The following NRP1 variants were observed in gnomAD, a reference collection of about 807,000 sequenced individuals.
NRP1 encodes the protein neuropilin-1.
A neutral mutation model predicts 106.7 loss-of-function variants in NRP1; 35 were observed. That is an observed-to-expected ratio of 0.33 (90% CI 0.25 to 0.43). NRP1 has a LOEUF of 0.43. Among genes scored for constraint, NRP1 ranks in the 20% least tolerant of loss-of-function variants. NRP1 has a pLI of 1.00. For synonymous variants in NRP1, 437 were observed against 417.9 expected, an observed-to-expected ratio of 1.05 and a Z score of -0.56; for missense variants, 1,024 against 1,170.4, an observed-to-expected ratio of 0.87 and a Z score of 1.83.
At chr10:33,237,622 C>T (rs1262969799) in intron 6 of NRP1, among the ~76,000 whole-genome samples, 2 of 139,902 alleles carry the variant, frequency 1.4e-5, no homozygotes, top group Non-Finnish European at 3.0e-5. Context: ...CTCTGTTGCC[C>T]AGGCTGGAGT....
rs769693816 is a variant in NRP1, at chr10:33,330,836, T to C, written c.120A>G (p.Thr40=). The C allele has an allele frequency of 6.2e-7, 1 of 1,613,142 alleles. No homozygotes were observed. Among genetic ancestry groups the C allele is most frequent in the Non-Finnish European group, 8.5e-7 (1 of 1,179,374 alleles). ...GATAAGAATGAGGATAACCAGGAGATGTAAGGTACCCGGGGCTTTCAATTT... is the reference window on the plus strand; with the variant it reads ...GATAAGAATGAGGATAACCAGGAGACGTAAGGTACCCGGGGCTTTCAATTT... ...TIKIESPGYL[T]SPGYPHSYHP... Residue 40 remains threonine, a synonymous_variant, in exon 2 of 17, where the codon ACA becomes ACG. Coordinates refer to ENST00000374867, the MANE Select transcript of NRP1 (RefSeq NM_003873.7).
chr10:33,231,281 C>T (rs1440037765), intron 6 of NRP1, among the ~76,000 whole-genome samples: 3 of 152,036 alleles, frequency 2.0e-5, no homozygotes. Context: ...ATCTGTTTTT[C>T]CCTGCAGAAA....
At chr10:33,204,859 G>A (rs555119348) in intron 10 of NRP1, among the ~76,000 whole-genome samples, 1 of 152,170 alleles carries the variant, frequency 6.6e-6, no homozygotes, top group African/African-American at 2.4e-5. Flanking sequence ...AGCCTCACGA[G>A]TAGCTGGGAT....
chr10:33,180,137 A>G lies in NRP1; in HGVS notation c.2711T>C (p.Val904Ala). ...GTCTTTTTTCAACTTCACACCATCC[A>G]CAAGTTCAAAGTTATAGTTCTCCAG... ...SALENYNFELVDGVKLKKDKL... is the reference protein window; with the variant it reads ...SALENYNFELADGVKLKKDKL... The change falls in exon 17 of 17, where the codon GTG becomes GCG. Residue 904 changes from valine (V) to alanine (A), a missense_variant. Around this residue, in one of 5 missense-constraint regions of NRP1, gnomAD observed 164 missense variants for 161.4 expected, o/e 1.02. Coordinates refer to ENST00000374867, the MANE Select transcript of NRP1 (RefSeq NM_003873.7). 1 of 1,614,100 alleles carries G rather than the reference A, an allele frequency of 6.2e-7. No individual in the cohort carries two copies. Among genetic ancestry groups the G allele is most frequent in the African/African-American group, 1.3e-5 (1 of 74,994 alleles).
Position 33,182,833 on chromosome 10 carries a change from G to GCACACACACACA in NRP1, c.2432-97_2432-86dup, listed in dbSNP as rs148435065. The GCACACACACACA allele has an allele frequency of 7.0e-3, 5,264 of 747,196 alleles. 186 individuals carry two copies. In the African/African-American group the frequency reaches 0.085, roughly 12 times the overall value. 46.3% of individuals were successfully genotyped at this position (747,196 alleles called of 1,614,324 possible). ...AAACTACACAAACCTTTAGGTACATGCACACACACACACACACACACACAC... is the reference window on the plus strand; with the variant it reads ...AAACTACACAAACCTTTAGGTACATGCACACACACACACACACACACACACACACACACACAC... On this transcript the variant is annotated intron_variant, in intron 15 of 16. Coordinates refer to ENST00000374867, the MANE Select transcript of NRP1 (RefSeq NM_003873.7).
At chr10:33,223,342 TG>T (rs1456907530) in intron 7 of NRP1, among the ~76,000 whole-genome samples, 1 of 152,120 alleles carries the variant, frequency 6.6e-6, no homozygotes, top group Non-Finnish European at 1.5e-5. Context: ...TGGTTGTGGC[TG>T]GGTGTGGTGG....
intron 2 of NRP1, among the ~76,000 whole-genome samples, chr10:33,272,514 G>A (rs1843378997): frequency 1.3e-5 from 2 of 151,966 alleles, no homozygotes; most frequent in African/African-American, 2.4e-5. Context: ...AAGAGGAGGA[G>A]GAGGGGAGGC....
At chr10:33,218,342 C>CT (rs776116595) in intron 8 of NRP1, among the ~76,000 whole-genome samples, 1,852 of 75,550 alleles carry the variant, frequency 0.025, 13 homozygotes, top group Non-Finnish European at 0.039. Flanking sequence ...TTTTTTCTTT[C>CT]TTTTTTTTTT....
intron 2 of NRP1, among the ~76,000 whole-genome samples, chr10:33,296,850 G>A (rs990056605): frequency 2.0e-4 from 31 of 152,006 alleles, no homozygotes; most frequent in Non-Finnish European, 4.0e-4. Flanking sequence ...CCAACATGGC[G>A]AAACCCCGCC....
chr10:33,301,491 T>A (rs1020612059), intron 2 of NRP1, among the ~76,000 whole-genome samples: 4 of 152,206 alleles, frequency 2.6e-5, no homozygotes, highest in African/African-American at 4.8e-5. Context: ...TCTGCAACAC[T>A]GAACCATCTG....
Position 33,177,672 on chromosome 10 carries a change from C to T in NRP1, c.*2404G>A, listed in dbSNP as rs1835459347. 1 of 152,556 alleles carries T rather than the reference C, an allele frequency of 6.6e-6. No homozygotes were observed. Among genetic ancestry groups the T allele is most frequent in the Non-Finnish European group, 1.5e-5 (1 of 68,026 alleles). 9.5% of individuals were successfully genotyped at this position (152,556 alleles called of 1,614,324 possible). On this transcript the variant is annotated 3_prime_UTR_variant, in exon 17 of 17. Transcript: ENST00000374867. ...TTTTGAAACAACAATTTACAAGTGT[C>T]ATATTGTCATAGAAAATAATAATTT...
At chr10:33,284,500 T>A (rs1844374780) in intron 2 of NRP1, among the ~76,000 whole-genome samples, 2 of 152,222 alleles carry the variant, frequency 1.3e-5, no homozygotes, top group African/African-American at 4.8e-5. Context: ...AGTTGAAACT[T>A]ATTAAAAACA....
chr10:33,188,080 C>T (rs76767260), intron 13 of NRP1, among the ~76,000 whole-genome samples: 2,169 of 152,200 alleles, frequency 0.014, 27 homozygotes, highest in Middle Eastern at 0.027. Flanking sequence ...ATTTGTTTTG[C>T]CCACTAATTT....
intron 9 of NRP1, among the ~76,000 whole-genome samples, chr10:33,207,994 C>T (rs774870780): frequency 1.1e-4 from 16 of 152,052 alleles, no homozygotes; most frequent in Non-Finnish European, 2.2e-4. Context: ...GATGTGATTG[C>T]ACCTCACTTC....
intron 2 of NRP1, among the ~76,000 whole-genome samples, chr10:33,284,649 C>T (rs921419752): frequency 1.3e-5 from 2 of 152,016 alleles, no homozygotes; most frequent in African/African-American, 4.8e-5. Flanking sequence ...TGTTTACTCC[C>T]TTTTTCTTAT....
rs1222180606 is a variant in NRP1 at position 33,330,883 on chromosome 10, C to T, written c.74-1G>A. The T allele has an allele frequency of 2.5e-6, 4 of 1,597,700 alleles. No homozygotes were observed. Among genetic ancestry groups the T allele is most frequent in the Non-Finnish European group, 3.4e-6 (4 of 1,169,300 alleles). On this transcript the variant is annotated splice_acceptor_variant, in intron 1 of 16. Transcript: ENST00000374867. LOFTEE classifies it high-confidence loss of function. ...ATTTTTATAGTATCGCCACATTTAT[C>T]TGCAATGAAAGTAAGATTTTAGCAG...
At chr10:33,220,548 G>A (rs566034196) in intron 8 of NRP1, among the ~76,000 whole-genome samples, 42 of 152,216 alleles carry the variant, frequency 2.8e-4, no homozygotes, top group African/African-American at 8.9e-4. Flanking sequence ...AAAATGGAAA[G>A]GAATTCTAAT....
chr10:33,251,669 C>A (rs1841868091), intron 6 of NRP1, among the ~76,000 whole-genome samples: 1 of 152,138 alleles, frequency 6.6e-6, no homozygotes, highest in African/African-American at 2.4e-5. Flanking sequence ...TGATGTAAAT[C>A]TGTTCTGTTC....
At chr10:33,201,419 A>G (rs192160405) in intron 11 of NRP1, 12 of 152,310 alleles carry the variant, frequency 7.9e-5, no homozygotes, top group Admixed American at 7.2e-4. Flanking sequence ...TCCTGCAATC[A>G]TTCCTTTTTT....
Sources: gnomAD v4.1 joint callset for allele counts (sites outside exome capture counted in the v4.1 genomes callset) on GRCh38, gnomAD v4.1.1 for gene constraint, gnomAD v4.1.1 regional missense constraint, MANE v1.5 for transcripts, NCBI Gene and HGNC (gene_info 2026-07-23, HGNC 2026-07-21) for gene names.